UPK1B: variants seen among roughly 807,000 people sequenced by gnomAD.
The protein encoded by UPK1B is uroplakin 1B.
UPK1B carries 28 observed loss-of-function variants against 34.2 expected under a neutral mutation model. The observed-to-expected ratio is 0.82, with a 90% CI of 0.61 to 1.12. UPK1B has a LOEUF of 1.12. Ranked by LOEUF, UPK1B falls within the 50% of genes most tolerant of loss-of-function variation. UPK1B has a pLI of 0.00. For missense variants in UPK1B, 325 were observed against 320.9 expected (o/e 1.01, Z -0.10); for synonymous variants, 81 against 110.4 (o/e 0.73, Z 1.67).
At chr3:119,203,695 G>A (rs2078104365) in intron 7 of UPK1B, among the ~76,000 whole-genome samples, 1 of 152,138 alleles carries the variant, frequency 6.6e-6, no homozygotes, top group Admixed American at 6.5e-5. Context: ...GGGTCAACAG[G>A]TGCAGCAAAC....
chr3:119,189,700 T>C (rs1008433043), intron 3 of UPK1B, among the ~76,000 whole-genome samples: 9 of 152,276 alleles, frequency 5.9e-5, no homozygotes, highest in Admixed American at 6.5e-5. Flanking sequence ...CTGATGAGAC[T>C]GGATGCTTGT....
At chr3:119,179,995 T>G (rs1392393321) in intron 1 of UPK1B, among the ~76,000 whole-genome samples, 1 of 151,778 alleles carries the variant, frequency 6.6e-6, no homozygotes, top group Non-Finnish European at 1.5e-5. Flanking sequence ...ACGAGGTTTC[T>G]CCGTGTTGGT....
chr3:119,195,780 T>C (rs1314741787), intron 6 of UPK1B, among the ~76,000 whole-genome samples: 1 of 152,224 alleles, frequency 6.6e-6, no homozygotes, highest in Non-Finnish European at 1.5e-5. Context: ...AACCAGTTTA[T>C]TTCATAGTTA....
rs1317971141 is a variant in UPK1B at position 119,203,935 on chromosome 3, A to C, written c.751A>C (p.Thr251Pro). 6.2e-7 allele frequency: 1 copy of C among 1,614,054 alleles called. No individual in the cohort carries two copies. Among genetic ancestry groups the C allele is most frequent in the Non-Finnish European group, 8.5e-7 (1 of 1,180,016 alleles). Reference sequence around the variant, plus strand: ...ATTCCAGTTTTGGGTTCTCCTGGGTACCATGTTCTACTGGAGCAGAATTGA... The same window carrying C: ...ATTCCAGTTTTGGGTTCTCCTGGGTCCCATGTTCTACTGGAGCAGAATTGA... ...LCWTFWVLLG[T>P]MFYWSRIEY The change falls in exon 8 of 8, where the codon ACC becomes CCC. Residue 251 changes from threonine to proline, a missense_variant. Transcript: ENST00000264234.
intron 1 of UPK1B, among the ~76,000 whole-genome samples, chr3:119,184,199 C>G (rs1199451317): frequency 6.6e-6 from 1 of 152,164 alleles, no homozygotes; most frequent in Non-Finnish European, 1.5e-5. Flanking sequence ...TTCATTTGCT[C>G]TTTCCCCTTT....
At chr3:119,181,607 C>T (rs1576866687) in intron 1 of UPK1B, among the ~76,000 whole-genome samples, 1 of 152,212 alleles carries the variant, frequency 6.6e-6, no homozygotes, top group Non-Finnish European at 1.5e-5. Flanking sequence ...AGCCCACATT[C>T]GTTCCACTTC....
intron 1 of UPK1B, among the ~76,000 whole-genome samples, chr3:119,183,948 A>G (rs1211614250): frequency 6.6e-6 from 1 of 152,210 alleles, no homozygotes; most frequent in Non-Finnish European, 1.5e-5. Context: ...CATAGTGAAA[A>G]AGGAGAACAT....
Position 119,182,568 on chromosome 3 carries a change from CA to C in UPK1B, c.-28-4145del, listed in dbSNP as rs2077994219. ...ACGAGGAAGTAGATACTAAGGAAAACATTGTCCAACTTTACACAGTAATGAT... is the reference window on the plus strand; with the variant it reads ...ACGAGGAAGTAGATACTAAGGAAAACTTGTCCAACTTTACACAGTAATGAT... On this transcript the variant is annotated intron_variant, in intron 1 of 7. Coordinates refer to ENST00000264234, the MANE Select transcript of UPK1B (RefSeq NM_006952.4). Among the ~76,000 whole-genome samples the C allele has an allele frequency of 3.3e-5, 5 of 152,316 alleles. No homozygotes were observed. In the South Asian group the frequency reaches 1.0e-3, roughly 32 times the overall value.
Position 119,204,645 on chromosome 3 carries a change from G to A in UPK1B, c.*678G>A, listed in dbSNP as rs2078111075. ...TAATCCCAGCACTTTGGGAGGCCGA[G>A]GTGGGCAGATCACCTGAGGTCAGGA... On this transcript the variant is annotated 3_prime_UTR_variant, in exon 8 of 8. Coordinates refer to ENST00000264234, the MANE Select transcript of UPK1B (RefSeq NM_006952.4). The A allele has an allele frequency of 6.6e-6, 1 of 152,248 alleles. No individual in the cohort carries two copies. Among genetic ancestry groups the A allele is most frequent in the African/African-American group, 2.4e-5 (1 of 41,434 alleles). 9.4% of individuals were successfully genotyped at this position (152,248 alleles called of 1,614,324 possible).
intron 1 of UPK1B, among the ~76,000 whole-genome samples, chr3:119,175,463 A>T (rs1012697421): frequency 1.3e-5 from 2 of 152,084 alleles, no homozygotes; most frequent in African/African-American, 4.8e-5. Context: ...GCCACCATTC[A>T]CCAACTGGGA....
At chr3:119,179,400 A>ATAG (rs71297416) in intron 1 of UPK1B, among the ~76,000 whole-genome samples, 1 of 20,074 alleles carries the variant, frequency 5.0e-5, no homozygotes, top group East Asian at 2.0e-3. Context: ...TATATATATT[A>ATAG]ATTCTAAGGA....
chr3:119,194,151 C>A, intron 5 of UPK1B, 68 bp from the exon 6 acceptor site: 1 of 1,416,012 alleles, frequency 7.1e-7, no homozygotes. Flanking sequence ...TATAAAATTT[C>A]AGTTGCTACA....
chr3:119,191,001 T>G lies in UPK1B; in HGVS notation c.365T>G (p.Leu122Arg). 6.2e-7 allele frequency: 1 copy of G among 1,613,950 alleles called. No individual in the cohort carries two copies. Among genetic ancestry groups the G allele is most frequent in the Non-Finnish European group, 8.5e-7 (1 of 1,179,892 alleles). Residue 122 changes from leucine to arginine, a missense_variant, in exon 5 of 8, where the codon CTG becomes CGG. Coordinates refer to ENST00000264234, the MANE Select transcript of UPK1B (RefSeq NM_006952.4). Reference sequence around the variant, plus strand: ...CTATAGTTCACACCCAACCTCTTCCTGAAGCAGATGCTAGAGAGGTACCAA... The same window carrying G: ...CTATAGTTCACACCCAACCTCTTCCGGAAGCAGATGCTAGAGAGGTACCAA... Reference protein sequence around the residue: ...QQDFFTPNLFLKQMLERYQNN... With the variant: ...QQDFFTPNLFRKQMLERYQNN...
chr3:119,188,541 A>G (rs1310255441), intron 3 of UPK1B, among the ~76,000 whole-genome samples: 1 of 152,206 alleles, frequency 6.6e-6, no homozygotes, highest in African/African-American at 2.4e-5. Context: ...GAAAACCTTG[A>G]TAAGCACCAC....
At chr3:119,198,348 C>G (rs1384710195) in intron 6 of UPK1B, among the ~76,000 whole-genome samples, 1 of 152,148 alleles carries the variant, frequency 6.6e-6, no homozygotes, top group Non-Finnish European at 1.5e-5. Context: ...TTGGTAGAGG[C>G]TGCTCAGATG....
intron 5 of UPK1B, 135 bp from the exon 6 acceptor site, chr3:119,194,084 A>C: frequency 1.2e-6 from 1 of 854,450 alleles, no homozygotes; most frequent in African/African-American, 1.7e-5. Flanking sequence ...TTCAGCTGTC[A>C]TTTGGGGATT....
chr3:119,202,730 G>T (rs28542647), intron 7 of UPK1B, among the ~76,000 whole-genome samples: 57,727 of 151,894 alleles, frequency 0.38, 12,278 homozygotes, highest in African/African-American at 0.56. Context: ...CCATTCCAGG[G>T]CACAAGCATT....
chr3:119,201,458 G>A (rs1277041442), intron 7 of UPK1B, among the ~76,000 whole-genome samples: 1 of 152,144 alleles, frequency 6.6e-6, no homozygotes, highest in East Asian at 1.9e-4. Context: ...CAGGGGAACT[G>A]CCCTTTATAA....
chr3:119,190,883 A>C, intron 4 of UPK1B, 99 bp from the exon 5 acceptor site: 1 of 1,519,480 alleles, frequency 6.6e-7, no homozygotes. Context: ...CCAGGAGAGA[A>C]TGTTCAGTGT....
Sources: gnomAD v4.1 joint callset for allele counts (sites outside exome capture counted in the v4.1 genomes callset) on GRCh38, gnomAD v4.1.1 for gene constraint, MANE v1.5 for transcripts, NCBI Gene and HGNC (gene_info 2026-07-23, HGNC 2026-07-21) for gene names.